The following SLC35F4 variants were observed in gnomAD, a reference collection of about 807,000 sequenced individuals.
SLC35F4 encodes solute carrier family 35 member F4, also known as chromosome 14 open reading frame 36.
SLC35F4 carries 24 observed loss-of-function variants against 44.2 expected under a neutral mutation model. The ratio of observed to expected loss-of-function variants is 0.54; its 90% confidence interval spans 0.39 to 0.76. The LOEUF is 0.76. Ranked by LOEUF, SLC35F4 falls within the 30% of genes least tolerant of loss-of-function variation. The pLI, the probability that SLC35F4 is intolerant of heterozygous loss-of-function variation, is 0.00. For synonymous variants in SLC35F4, 238 were observed against 223.6 expected, an observed-to-expected ratio of 1.06 and a Z score of -0.57; for missense variants, 562 against 586.1, an observed-to-expected ratio of 0.96 and a Z score of 0.42.
chr14:57,608,673 C>T (rs909768270), intron 1 of SLC35F4, among the ~76,000 whole-genome samples: 2 of 151,560 alleles, frequency 1.3e-5, no homozygotes, highest in Non-Finnish European at 2.9e-5. Flanking sequence ...ATGAGATCAC[C>T]CAGAAGGAAA....
chr14:57,785,961 C>G (rs2077746889), intron 1 of SLC35F4, among the ~76,000 whole-genome samples: 1 of 152,162 alleles, frequency 6.6e-6, no homozygotes, highest in South Asian at 2.1e-4. Flanking sequence ...GCAGACTCCA[C>G]AGGCAGGGGA....
rs552628133 is a variant in SLC35F4 at position 57,883,873 on chromosome 14, T to C, written n.282+98040A>G. On this transcript the variant is annotated intron_variant and non_coding_transcript_variant, in intron 1 of 1. Coordinates refer to the SLC35F4 transcript ENST00000556568. ...CTTCTAATCTTTCTAGGTCCATCTATTTTTTAACAAATATTTCTTTCTAAC... is the reference window on the plus strand; with the variant it reads ...CTTCTAATCTTTCTAGGTCCATCTACTTTTTAACAAATATTTCTTTCTAAC... Among the ~76,000 whole-genome samples, 5 of 152,310 alleles carry C rather than the reference T, an allele frequency of 3.3e-5. No individual in the cohort carries two copies. The East Asian group carries it at 7.7e-4, about 23-fold the overall frequency.
chr14:57,900,385 A>C (rs1282461698), intron 1 of SLC35F4, among the ~76,000 whole-genome samples: 1 of 152,072 alleles, frequency 6.6e-6, no homozygotes. Context: ...GTGATACACC[A>C]ATTTGTTTAG....
At chr14:57,884,541 A>G (rs1484338218) in intron 1 of SLC35F4, among the ~76,000 whole-genome samples, 1 of 152,194 alleles carries the variant, frequency 6.6e-6, no homozygotes, top group African/African-American at 2.4e-5. Flanking sequence ...TTGTTAAAAT[A>G]CATAACAAAA....
chr14:57,564,566 G>A (rs2139648787), intron 7 of SLC35F4, among the ~76,000 whole-genome samples, 190 bp from the exon 8 acceptor site: 1 of 152,254 alleles, frequency 6.6e-6, no homozygotes, highest in Admixed American at 6.5e-5. Context: ...TATCCTTCAA[G>A]GCTTAGCTTA....
intron 4 of SLC35F4, among the ~76,000 whole-genome samples, chr14:57,576,092 A>G (rs2068773666): frequency 6.6e-6 from 1 of 151,690 alleles, no homozygotes; most frequent in Non-Finnish European, 1.5e-5. Context: ...ACCTGATCCC[A>G]TTCACTATGG....
At chr14:57,772,748 T>C (rs1389178191) in intron 1 of SLC35F4, among the ~76,000 whole-genome samples, 1 of 152,220 alleles carries the variant, frequency 6.6e-6, no homozygotes, top group Admixed American at 6.5e-5. Context: ...TATTTATTTA[T>C]TCAACTGCTG....
chr14:57,668,700 T>C (rs1413740412), intron 1 of SLC35F4, among the ~76,000 whole-genome samples: 1 of 152,132 alleles, frequency 6.6e-6, no homozygotes, highest in African/African-American at 2.4e-5. Flanking sequence ...ATCTCTGTTT[T>C]AGTACCAGTA....
intron 1 of SLC35F4, among the ~76,000 whole-genome samples, chr14:57,661,535 A>G (rs913274562): frequency 6.6e-6 from 1 of 152,204 alleles, no homozygotes; most frequent in African/African-American, 2.4e-5. Context: ...GCCAATAAGT[A>G]CCTGTAGCAG....
chr14:57,859,130 G>C (rs1002645438), intron 1 of SLC35F4, among the ~76,000 whole-genome samples: 1 of 151,822 alleles, frequency 6.6e-6, no homozygotes, highest in African/African-American at 2.4e-5. Context: ...GGCTTAGGGG[G>C]AGGAAGAGAG....
intron 1 of SLC35F4, among the ~76,000 whole-genome samples, chr14:57,661,652 T>A (rs1264219274): frequency 6.6e-6 from 1 of 152,202 alleles, no homozygotes; most frequent in South Asian, 2.1e-4. Context: ...TGAAGAAATA[T>A]GAAGGCTACA....
intron 1 of SLC35F4, among the ~76,000 whole-genome samples, chr14:57,970,266 G>A (rs1881012773): frequency 1.3e-5 from 2 of 152,208 alleles, no homozygotes; most frequent in African/African-American, 4.8e-5. Context: ...CTATCTTGAA[G>A]AGGAAATGTA....
chr14:57,660,042 G>A (rs2074088551), intron 1 of SLC35F4, among the ~76,000 whole-genome samples: 1 of 152,174 alleles, frequency 6.6e-6, no homozygotes, highest in Non-Finnish European at 1.5e-5. Context: ...GTGGGTCTCT[G>A]TTCAGTTATA....
Position 57,909,664 on chromosome 14 carries a change from C to A in SLC35F4, n.282+72249G>T, listed in dbSNP as rs77370590. 5.9e-3 allele frequency among the ~76,000 whole-genome samples: 899 copies of A among 151,952 alleles called. 10 individuals carry two copies. The highest frequency in any genetic ancestry group is 0.023 in the South Asian group (111 of 4,822). Reference sequence around the variant, plus strand: ...TGGTTTGATAGCTCATATTTTTTACCACTGGATAATATTCCACTGTCTGAA... The same window carrying A: ...TGGTTTGATAGCTCATATTTTTTACAACTGGATAATATTCCACTGTCTGAA... On this transcript the variant is annotated intron_variant and non_coding_transcript_variant, in intron 1 of 1. Coordinates refer to the SLC35F4 transcript ENST00000556568.
chr14:57,622,504 T>C (rs1477036363), intron 1 of SLC35F4, among the ~76,000 whole-genome samples: 1 of 149,230 alleles, frequency 6.7e-6, no homozygotes, highest in African/African-American at 2.5e-5. Context: ...AAATTATGAG[T>C]TCATGTCCTT....
At chr14:57,748,444 T>C (rs532582824) in intron 1 of SLC35F4, among the ~76,000 whole-genome samples, 12 of 152,238 alleles carry the variant, frequency 7.9e-5, no homozygotes, top group Non-Finnish European at 1.3e-4. Context: ...TTTAAAGGTA[T>C]GATTCAGGAA....
chr14:57,579,591 C>T lies in SLC35F4; in HGVS notation c.807+1623G>A, dbSNP rs1742374012. 4 of 152,194 alleles carry T rather than the reference C, an allele frequency of 2.6e-5. No individual in the cohort carries two copies. In the South Asian group the frequency reaches 8.3e-4, roughly 32 times the overall value. The allele number at this position is 152,194 out of a possible 1,614,324, so 9.4% of individuals were successfully genotyped here. On this transcript the variant is annotated intron_variant, in intron 4 of 7. Transcript: ENST00000556826. ...ACAAAAGAGCCTCCAAATCTCTCTTCTCCCCTCTTCTGACAAGGCTCTCCA... is the reference window on the plus strand; with the variant it reads ...ACAAAAGAGCCTCCAAATCTCTCTTTTCCCCTCTTCTGACAAGGCTCTCCA...
intron 1 of SLC35F4, among the ~76,000 whole-genome samples, chr14:57,850,886 C>A (rs1258137770): frequency 6.6e-6 from 1 of 152,140 alleles, no homozygotes; most frequent in Non-Finnish European, 1.5e-5. Context: ...TGAGGCCTTG[C>A]CTCAAGGATG....
intron 1 of SLC35F4, among the ~76,000 whole-genome samples, chr14:57,698,154 A>G (rs936351766): frequency 4.6e-5 from 7 of 152,202 alleles, no homozygotes; most frequent in African/African-American, 1.7e-4. Flanking sequence ...TAGATTATGT[A>G]AGTATCTACT....
Sources: allele counts gnomAD v4.1 joint callset (sites outside exome capture counted in the v4.1 genomes callset), GRCh38; gene constraint gnomAD v4.1.1; transcripts MANE v1.5; gene names NCBI Gene and HGNC (gene_info 2026-07-23, HGNC 2026-07-21).